The following OGDH variants were observed in gnomAD, a reference collection of about 807,000 sequenced individuals.
OGDH encodes 2-oxoglutarate dehydrogenase complex component E1.
OGDH carries 38 observed loss-of-function variants against 116.6 expected under a neutral mutation model. The observed-to-expected ratio is 0.33, with a 90% CI of 0.25 to 0.43. The LOEUF (loss-of-function observed/expected upper bound fraction) is 0.43, where lower values mean the gene tolerates loss of function less well. Ranked by LOEUF, OGDH falls within the 20% of genes least tolerant of loss-of-function variation. The pLI is 1.00. For missense variants in OGDH, 825 were observed against 1,357.2 expected (o/e 0.61, Z 6.16); for synonymous variants, 488 against 533.3 (o/e 0.92, Z 1.17).
chr7:44,699,737 T>C (rs1788746985), intron 18 of OGDH, among the ~76,000 whole-genome samples: 1 of 152,130 alleles, frequency 6.6e-6, no homozygotes, highest in Admixed American at 6.5e-5. Flanking sequence ...AAAGTTTAAT[T>C]GGCTCACAGT....
intron 19 of OGDH, 127 bp from the exon 20 acceptor site, chr7:44,701,416 C>G: frequency 1.4e-6 from 1 of 734,204 alleles, no homozygotes; most frequent in South Asian, 1.6e-5. Flanking sequence ...ACCTGAGGCT[C>G]CTGTTGAGTG....
intron 10 of OGDH, among the ~76,000 whole-genome samples, chr7:44,693,112 G>A (rs1391567529): frequency 6.6e-6 from 1 of 152,066 alleles, no homozygotes; most frequent in Non-Finnish European, 1.5e-5. Context: ...TTCAAAATCA[G>A]CCTGGCTAAC....
In OGDH at chr7:44,694,252, G is replaced by A. The variant is rs799436; in HGVS notation, c.1516-172G>A. On this transcript the variant is annotated intron_variant, in intron 11 of 22. Coordinates refer to ENST00000222673, the MANE Select transcript of OGDH (RefSeq NM_002541.4). The surrounding 1 kb of genome is among the most constrained non-coding windows in gnomAD (Gnocchi z 4.2). ...TCCTCATTGACAGAGCAGCTCTACT[G>A]TGTGAAGGAGAGATACACAGAATCC... 7.0e-4 allele frequency among the ~76,000 whole-genome samples: 107 copies of A among 152,254 alleles called. 1 individual carries two copies. Among genetic ancestry groups the A allele is most frequent in the African/African-American group, 2.5e-3 (105 of 41,558 alleles).
chr7:44,616,632 CAT>C (rs1015425347), intron 1 of OGDH, among the ~76,000 whole-genome samples: 2 of 148,320 alleles, frequency 1.3e-5, no homozygotes, highest in Non-Finnish European at 1.5e-5. Context: ...TATATATACA[CAT>C]GTTTATGTAT....
chr7:44,707,417 C>T lies in OGDH; in HGVS notation c.2796+29C>T, dbSNP rs1377774757. ...AGGGCAGGTGGTGCCATCAGGGTGT[C>T]CCCCCAGCGGGGGTCAGGGCTCTGG... is the stretch of plus-strand genomic sequence containing the variant. On this transcript the variant is annotated intron_variant, in intron 21 of 22. Coordinates refer to ENST00000222673, the MANE Select transcript of OGDH (RefSeq NM_002541.4). The surrounding 1 kb of genome is among the most constrained non-coding windows in gnomAD (Gnocchi z 5.2). 3 of 1,612,438 alleles carry T rather than the reference C, an allele frequency of 1.9e-6. No homozygotes were observed. The highest frequency in any genetic ancestry group is 2.7e-5 in the African/African-American group (2 of 75,058).
At chr7:44,617,887 C>T (rs532309915) in intron 1 of OGDH, among the ~76,000 whole-genome samples, 3 of 152,240 alleles carry the variant, frequency 2.0e-5, no homozygotes, top group African/African-American at 7.2e-5. Flanking sequence ...ACCCCCCTAC[C>T]TAGCCAATGT....
At chr7:44,616,088 C>T (rs1389148896) in intron 1 of OGDH, among the ~76,000 whole-genome samples, 1 of 151,734 alleles carries the variant, frequency 6.6e-6, no homozygotes, top group Non-Finnish European at 1.5e-5. Flanking sequence ...CCTAGCCAGT[C>T]TGCTTCCTTC....
intron 14 of OGDH, among the ~76,000 whole-genome samples, 161 bp downstream of exon 14, chr7:44,696,718 C>G (rs1031803945): frequency 2.0e-5 from 3 of 152,170 alleles, no homozygotes; most frequent in Admixed American, 6.5e-5. Flanking sequence ...GCCACCTCTC[C>G]CACTCCCTGC....
Position 44,621,662 on chromosome 7 carries a change from A to G in OGDH, c.-27-2655A>G, listed in dbSNP as rs185356156. Reference sequence around the variant, plus strand: ...GCTGAGGTGGGCAGATCATGAGGTCAGGAGTTTGAGACCAGCCTGGCCAAC... The same window carrying G: ...GCTGAGGTGGGCAGATCATGAGGTCGGGAGTTTGAGACCAGCCTGGCCAAC... On this transcript the variant is annotated intron_variant, in intron 1 of 22. Transcript: ENST00000222673. 4.2e-3 allele frequency among the ~76,000 whole-genome samples: 641 copies of G among 152,182 alleles called. 9 individuals are homozygous for G. Among genetic ancestry groups the G allele is most frequent in the African/African-American group, 0.014 (586 of 41,532 alleles).
chr7:44,669,207 C>T (rs1452306665), intron 5 of OGDH, among the ~76,000 whole-genome samples: 8 of 139,280 alleles, frequency 5.7e-5, no homozygotes, highest in Admixed American at 7.8e-5. Context: ...GGCTGGAGGG[C>T]AGTGGCACAA....
chr7:44,633,239 C>T lies in OGDH; in HGVS notation c.222+8674C>T, dbSNP rs914509967. 1.0e-4 allele frequency among the ~76,000 whole-genome samples: 12 copies of T among 118,414 alleles called. No homozygotes were observed. The East Asian group carries it at 1.3e-3, about 13-fold the overall frequency. The allele number at this position is 118,414 out of a possible 152,430, so 77.7% of individuals were successfully genotyped here. A position where few individuals can be genotyped will look rare whatever the true frequency, so the allele number is the denominator to read the frequency against. On this transcript the variant is annotated intron_variant, in intron 2 of 22. Coordinates refer to ENST00000222673, the MANE Select transcript of OGDH (RefSeq NM_002541.4). ...CTGCACTCTAGCCTGGGCAACAGAG[C>T]GAGACTCTGTGTCAAAAAAAAAAAA...
At position 44,708,621 on chromosome 7, in the gene OGDH, AGGCTGTGTGTGG is replaced by A; in HGVS notation, c.*626_*637del. 6.6e-6 allele frequency: 1 copy of A among 152,458 alleles called. No individual in the cohort carries two copies. The highest frequency in any genetic ancestry group is 2.4e-5 in the African/African-American group (1 of 41,566). The allele number at this position is 152,458 out of a possible 1,614,324, so 9.4% of individuals were successfully genotyped here. A position where few individuals can be genotyped will look rare whatever the true frequency, so the allele number is the denominator to read the frequency against. On this transcript the variant is annotated 3_prime_UTR_variant, in exon 23 of 23. Transcript: ENST00000222673. ...TATCTGCTGTTCCTTCGAGGGTTCC[AGGCTGTGTGTGG>A]GGCCCAAGCATGCCCCACCCACCCC...
Position 44,697,634 on chromosome 7 carries a change from C to G in OGDH, c.2210C>G (p.Pro737Arg). 6.2e-7 allele frequency: 1 copy of G among 1,614,272 alleles called. No homozygotes were observed. Among genetic ancestry groups the G allele is most frequent in the Non-Finnish European group, 8.5e-7 (1 of 1,180,050 alleles). ...GFELGFAMASPNALVLWEAQF... is the reference protein window; with the variant it reads ...GFELGFAMASRNALVLWEAQF... Reference sequence around the variant, plus strand: ...GAGCTGGGCTTCGCCATGGCCAGTCCTAATGCCCTGGTCCTCTGGGAAGCC... The same window carrying G: ...GAGCTGGGCTTCGCCATGGCCAGTCGTAATGCCCTGGTCCTCTGGGAAGCC... Residue 737 changes from proline to arginine, a missense_variant, in exon 17 of 23, where the codon CCT becomes CGT. Physicochemically the swap from Pro to Arg is moderately radical, Grantham distance 103 (BLOSUM62 -2). Coordinates refer to ENST00000222673, the MANE Select transcript of OGDH (RefSeq NM_002541.4). The surrounding 1 kb of genome is among the most constrained non-coding windows in gnomAD (Gnocchi z 6.0).
chr7:44,701,664 G>A, intron 20 of OGDH, 49 bp downstream of exon 20: 1 of 1,515,108 alleles, frequency 6.6e-7, no homozygotes. Context: ...TATGTTTGGG[G>A]CTTCTTTGCT....
chr7:44,693,059 A>C lies in OGDH; in HGVS notation c.1336-766A>C, dbSNP rs144787220. 1.0e-3 allele frequency among the ~76,000 whole-genome samples: 152 copies of C among 152,196 alleles called. 4 individuals carry two copies. In the East Asian group the frequency reaches 0.021, roughly 21 times the overall value. On this transcript the variant is annotated intron_variant, in intron 10 of 22. Transcript: ENST00000222673. ...CGTGGTGGCTCACTCCTGTAATCCC[A>C]GCACTTTGGGAGGCTGAGGCAGGTG...
At chr7:44,619,873 C>G (rs188061740) in intron 1 of OGDH, among the ~76,000 whole-genome samples, 121 of 152,118 alleles carry the variant, frequency 8.0e-4, no homozygotes, top group African/African-American at 2.7e-3. Flanking sequence ...AATCCTTTAC[C>G]TATTTTTTGA....
At chr7:44,689,382 AT>A (rs906437799) in intron 10 of OGDH, among the ~76,000 whole-genome samples, 5 of 99,062 alleles carry the variant, frequency 5.0e-5, no homozygotes, top group African/African-American at 1.2e-4. Flanking sequence ...CTCCCAGCTA[AT>A]TTTTTTTTCT....
intron 1 of OGDH, among the ~76,000 whole-genome samples, chr7:44,616,800 TATATATGC>T (rs1392868496): frequency 9.7e-6 from 1 of 102,894 alleles, no homozygotes; most frequent in East Asian, 4.5e-4. Flanking sequence ...TATATGTGTA[TATATATGC>T]ATATATACGT....
intron 1 of OGDH, among the ~76,000 whole-genome samples, chr7:44,610,854 C>G (rs1346928565): frequency 6.6e-6 from 1 of 152,002 alleles, no homozygotes; most frequent in Non-Finnish European, 1.5e-5. Context: ...TGATCGACAC[C>G]CCCTTGGCCT....
Sources: gnomAD v4.1 joint callset for allele counts (sites outside exome capture counted in the v4.1 genomes callset) on GRCh38, gnomAD v4.1.1 for gene constraint, Gnocchi (gnomAD v3.1) non-coding constraint, MANE v1.5 for transcripts, NCBI Gene and HGNC (gene_info 2026-07-23, HGNC 2026-07-21) for gene names.